The following AEBP2 variants were observed in gnomAD, a reference collection of about 807,000 sequenced individuals.
AEBP2 encodes AE binding protein 2.
A neutral mutation model predicts 50.8 loss-of-function variants in AEBP2; 10 were observed. The ratio of observed to expected loss-of-function variants is 0.20; its 90% CI spans 0.12 to 0.33. The LOEUF (loss-of-function observed/expected upper bound fraction) is 0.33, where lower values mean the gene tolerates loss of function less well. AEBP2 is among the 10% of genes least tolerant of loss of function. The pLI is 1.00. For missense variants in AEBP2, 570 were observed against 688.0 expected (o/e 0.83, Z 1.92); for synonymous variants, 296 against 261.3 (o/e 1.13, Z -1.28).
At chr12:19,453,424 C>CTTTT (rs112177656) in intron 1 of AEBP2, among the ~76,000 whole-genome samples, 1 of 148,604 alleles carries the variant, frequency 6.7e-6, no homozygotes, top group Non-Finnish European at 1.5e-5. Context: ...GACCTATATA[C>CTTTT]TTTCTTTTTT....
chr12:19,477,737 GA>G (rs1191521332), intron 3 of AEBP2, among the ~76,000 whole-genome samples: 1 of 152,168 alleles, frequency 6.6e-6, no homozygotes, highest in Non-Finnish European at 1.5e-5. Flanking sequence ...TTGGTCTGTA[GA>G]TTTATTTTTT....
At chr12:19,416,492 G>A (rs544538020) in intron 1 of AEBP2, among the ~76,000 whole-genome samples, 2 of 151,090 alleles carry the variant, frequency 1.3e-5, no homozygotes, top group Non-Finnish European at 3.0e-5. Context: ...TGCAACCTCC[G>A]TCTCCCAGGC....
At chr12:19,454,167 A>C (rs553889030) in intron 1 of AEBP2, among the ~76,000 whole-genome samples, 1 of 152,178 alleles carries the variant, frequency 6.6e-6, no homozygotes, top group Non-Finnish European at 1.5e-5. Flanking sequence ...TGGGATTAAC[A>C]GATGTGAGCA....
intron 3 of AEBP2, among the ~76,000 whole-genome samples, chr12:19,480,894 T>C (rs1360993039): frequency 6.6e-6 from 1 of 152,170 alleles, no homozygotes; most frequent in Non-Finnish European, 1.5e-5. Context: ...TCCAAACTTG[T>C]AGATTTCTCT....
chr12:19,455,419 T>C (rs180981667), intron 1 of AEBP2, among the ~76,000 whole-genome samples: 1 of 152,326 alleles, frequency 6.6e-6, no homozygotes, highest in Non-Finnish European at 1.5e-5. Flanking sequence ...TAGTGAACTT[T>C]TCTCAGTTAC....
chr12:19,452,807 A>G (rs974396466), intron 1 of AEBP2, among the ~76,000 whole-genome samples: 3 of 152,204 alleles, frequency 2.0e-5, no homozygotes, highest in Non-Finnish European at 2.9e-5. Flanking sequence ...TCTTTCTAGT[A>G]TAAGTGGCAG....
intron 4 of AEBP2, 125 bp downstream of exon 4, chr12:19,494,111 T>C (rs1948934951): frequency 9.7e-7 from 1 of 1,025,648 alleles, no homozygotes; most frequent in Non-Finnish European, 1.4e-6. Context: ...GTAGGATGCC[T>C]GTCTGTCAGT....
At chr12:19,434,786 T>C (rs2095753336), upstream of AEBP2, among the ~76,000 whole-genome samples, 1 of 152,214 alleles carries the variant, frequency 6.6e-6, no homozygotes, top group Non-Finnish European at 1.5e-5. Context: ...TCTAAGGAGA[T>C]GCATGCAGAG....
chr12:19,421,131 G>C (rs1378914838), intron 1 of AEBP2, among the ~76,000 whole-genome samples: 1 of 151,958 alleles, frequency 6.6e-6, no homozygotes, highest in African/African-American at 2.4e-5. Context: ...GATCATCTGA[G>C]GTCAGGAGTT....
intron 1 of AEBP2, among the ~76,000 whole-genome samples, chr12:19,420,028 T>TC (rs1421777468): frequency 6.7e-6 from 1 of 150,052 alleles, no homozygotes; most frequent in African/African-American, 2.5e-5. Flanking sequence ...ATAGTTTTTT[T>TC]TTTTTTTTTT....
At chr12:19,437,539 C>T (rs570098268), upstream of AEBP2, among the ~76,000 whole-genome samples, 29 of 152,168 alleles carry the variant, frequency 1.9e-4, no homozygotes, top group Admixed American at 5.2e-4. Context: ...GACAGGGTCT[C>T]GCTATTTTAC....
chr12:19,496,299 G>A (rs114367382), intron 4 of AEBP2, among the ~76,000 whole-genome samples: 413 of 152,312 alleles, frequency 2.7e-3, no homozygotes, highest in African/African-American at 9.5e-3. Context: ...AAGGCAGGCT[G>A]CGTAGGGAGA....
intron 7 of AEBP2, among the ~76,000 whole-genome samples, chr12:19,516,875 A>T (rs892196363): frequency 3.9e-5 from 6 of 152,072 alleles, no homozygotes; most frequent in Non-Finnish European, 7.4e-5. Context: ...AAAAATGCAA[A>T]AATCAGTCGG....
chr12:19,407,954 G>C (rs1192947681), intron 1 of AEBP2, among the ~76,000 whole-genome samples: 1 of 151,966 alleles, frequency 6.6e-6, no homozygotes, highest in African/African-American at 2.4e-5. Flanking sequence ...AGGAGTCTGA[G>C]GCAGAAGAAT....
rs139349268 is a variant in AEBP2, at chr12:19,503,707, A to G, written c.1299+3486A>G. Among the ~76,000 whole-genome samples the G allele has an allele frequency of 2.4e-3, 368 of 151,740 alleles. 1 individual carries two copies. The Middle Eastern group carries it at 0.027, about 11-fold the overall frequency. On this transcript the variant is annotated intron_variant, in intron 5 of 7. Coordinates refer to ENST00000266508, the MANE Select transcript of AEBP2 (RefSeq NM_153207.5). ...TTTTTTTTTAAACATTTATTTTTAT[A>G]GAGACAGGATCTTGCTGTGTTGCCC...
At chr12:19,453,515 C>T (rs921366651) in intron 1 of AEBP2, among the ~76,000 whole-genome samples, 4 of 151,594 alleles carry the variant, frequency 2.6e-5, no homozygotes, top group Admixed American at 2.0e-4. Context: ...CCTCCGCTTC[C>T]TGGGTTCAAA....
At chr12:19,493,641 G>T (rs11044611) in intron 3 of AEBP2, among the ~76,000 whole-genome samples, 159 bp from the exon 4 acceptor site, 1 of 152,048 alleles carries the variant, frequency 6.6e-6, no homozygotes, top group African/African-American at 2.4e-5. Context: ...AACTTACTTC[G>T]TAAAGTGAAA....
intron 1 of AEBP2, among the ~76,000 whole-genome samples, chr12:19,445,158 G>T (rs1181437825): frequency 6.6e-6 from 1 of 151,642 alleles, no homozygotes; most frequent in South Asian, 2.1e-4. Context: ...CTGTGTGATG[G>T]GTATATTCTA....
rs183198899 is a variant in AEBP2, at chr12:19,479,189, A to G, written c.987+5834A>G. Among the ~76,000 whole-genome samples the G allele has an allele frequency of 1.3e-5, 2 of 152,278 alleles. 1 individual carries two copies. Among genetic ancestry groups the G allele is most frequent in the Admixed American group, 1.3e-4 (2 of 15,292 alleles). On this transcript the variant is annotated intron_variant, in intron 3 of 7. Transcript: ENST00000266508. ...GTGCCACTGCACTTTAACCAGGGTG[A>G]CGGGCCTCAAAAAAAAGTATATTCT...
Sources: allele counts gnomAD v4.1 joint callset (sites outside exome capture counted in the v4.1 genomes callset), GRCh38; gene constraint gnomAD v4.1.1; transcripts MANE v1.5; gene names NCBI Gene and HGNC (gene_info 2026-07-23, HGNC 2026-07-21).